VANGL1: variants seen among roughly 807,000 people sequenced by gnomAD.
VANGL1 encodes VANGL planar cell polarity protein 1.
Under a neutral mutation model 48.4 loss-of-function variants are expected in VANGL1, and 18 were observed. That is an observed-to-expected ratio of 0.37 (90% CI 0.26 to 0.55). The LOEUF (loss-of-function observed/expected upper bound fraction) is 0.55, where lower values mean the gene tolerates loss of function less well. VANGL1 is among the 20% of genes least tolerant of loss of function. The probability of loss-of-function intolerance (pLI) is 0.81; values close to 1 mark genes in which losing one functional copy is unlikely to be tolerated. For missense variants in VANGL1, 667 were observed against 675.8 expected (o/e 0.99, Z 0.14); for synonymous variants, 257 against 261.8 (o/e 0.98, Z 0.18).
In VANGL1 at chr1:115,643,402, T is replaced by C. The variant is rs150379326; in HGVS notation, c.-138+1316T>C. On this transcript the variant is annotated intron_variant, in intron 1 of 7. Transcript: ENST00000355485. ...GTAATTAGCCATTTTCTGTAACCAC[T>C]AATTATAGAGTTTTTAGGGTTGAAT... Among the ~76,000 whole-genome samples, 288 of 152,332 alleles carry C rather than the reference T, an allele frequency of 1.9e-3. 1 individual carries two copies. The highest frequency in any genetic ancestry group is 6.6e-3 in the African/African-American group (275 of 41,580).
chr1:115,675,704 T>C (rs1477239274), intron 4 of VANGL1, among the ~76,000 whole-genome samples: 2 of 152,150 alleles, frequency 1.3e-5, no homozygotes, highest in African/African-American at 4.8e-5. Flanking sequence ...GGCAGGAGAA[T>C]TGCTCGGACC....
Position 115,687,006 on chromosome 1 carries a change from G to GT in VANGL1, c.1314+1486dup, listed in dbSNP as rs35072599. Among the ~76,000 whole-genome samples, 28 of 137,368 alleles carry GT rather than the reference G, an allele frequency of 2.0e-4. 6 individuals carry two copies. The highest frequency in any genetic ancestry group is 3.2e-4 in the Non-Finnish European group (20 of 62,998). 90.1% of individuals were successfully genotyped at this position (137,368 alleles called of 152,430 possible). On this transcript the variant is annotated intron_variant, in intron 7 of 7. Coordinates refer to ENST00000355485, the MANE Select transcript of VANGL1 (RefSeq NM_138959.3). ...GGTACATGTGTAACATTTGGTAGCTGTTTTTTTATAAGGACTTCTGTTTAT... is the reference window on the plus strand; with the variant it reads ...GGTACATGTGTAACATTTGGTAGCTGTTTTTTTTATAAGGACTTCTGTTTAT...
chr1:115,670,411 C>T (rs890556593), intron 4 of VANGL1, among the ~76,000 whole-genome samples: 19 of 152,188 alleles, frequency 1.2e-4, no homozygotes, highest in African/African-American at 4.6e-4. Context: ...CATGCATCCT[C>T]CCAGCTTGCA....
At chr1:115,666,272 TG>T (rs1652783244) in intron 4 of VANGL1, among the ~76,000 whole-genome samples, 1 of 152,176 alleles carries the variant, frequency 6.6e-6, no homozygotes, top group South Asian at 2.1e-4. Context: ...CCATAGGTCA[TG>T]CAGGGTGGTG....
chr1:115,668,836 A>G (rs1652880177), intron 4 of VANGL1, among the ~76,000 whole-genome samples: 2 of 152,198 alleles, frequency 1.3e-5, no homozygotes, highest in Admixed American at 1.3e-4. Context: ...TCCCAGGAGC[A>G]CAAAAGCAGA....
At chr1:115,673,481 T>G (rs1653055246) in intron 4 of VANGL1, among the ~76,000 whole-genome samples, 1 of 152,124 alleles carries the variant, frequency 6.6e-6, no homozygotes, top group South Asian at 2.1e-4. Flanking sequence ...TCCTTGCCTC[T>G]TCCTAGTTTC....
Position 115,682,480 on chromosome 1 carries a change from A to G in VANGL1, c.929A>G (p.Lys310Arg), listed in dbSNP as rs1347968602. The stretch of plus-strand genomic sequence containing the variant: ...GCAGCCAAGCATATGGCCGGGCTGA[A>G]AGTCTACAATGTAGATGGTATGTGC... ...FRAAKHMAGL[K>R]VYNVDGPSNN... The change falls in exon 5 of 8, where the codon AAA (lysine) becomes AGA (arginine). Residue 310 changes from lysine to arginine, a missense_variant. By Grantham distance (26) the Lys-to-Arg change is conservative. Coordinates refer to ENST00000355485, the MANE Select transcript of VANGL1 (RefSeq NM_138959.3). 4 of 1,614,078 alleles carry G rather than the reference A, an allele frequency of 2.5e-6. No individual in the cohort carries two copies. Among genetic ancestry groups the G allele is most frequent in the Non-Finnish European group, 3.4e-6 (4 of 1,180,046 alleles).
In VANGL1 at chr1:115,693,427, C is replaced by G. The variant is rs926509670; in HGVS notation, c.*2048C>G. On this transcript the variant is annotated 3_prime_UTR_variant, in exon 8 of 8. Transcript: ENST00000355485. ...ATTCTAAAATACTGTTCTTCCAACC[C>G]TATCTTCAATGACCAGTCCAGAAGG... The G allele has an allele frequency of 2.0e-5, 3 of 152,632 alleles. No homozygotes were observed. The highest frequency in any genetic ancestry group is 7.2e-5 in the African/African-American group (3 of 41,456). The allele number at this position is 152,632 out of a possible 1,614,324, so 9.5% of individuals were successfully genotyped here. A position where few individuals can be genotyped will look rare whatever the true frequency, so the allele number is the denominator to read the frequency against.
intron 2 of VANGL1, among the ~76,000 whole-genome samples, chr1:115,659,209 G>A (rs929433560): frequency 3.3e-5 from 5 of 151,848 alleles, no homozygotes; most frequent in Admixed American, 1.3e-4. Context: ...CAAAAAAATA[G>A]ATATTTTTTT....
chr1:115,677,041 C>A (rs1028258212), intron 4 of VANGL1, among the ~76,000 whole-genome samples: 1 of 152,236 alleles, frequency 6.6e-6, no homozygotes, highest in Non-Finnish European at 1.5e-5. Flanking sequence ...GCACCAGTTG[C>A]ACTGTGCGTG....
chr1:115,659,608 G>A (rs1652472169), intron 2 of VANGL1, 33 bp from the exon 3 acceptor site: 6 of 1,611,164 alleles, frequency 3.7e-6, no homozygotes, highest in Admixed American at 1.7e-5. Flanking sequence ...AATTAACATG[G>A]CATAAATGTG....
At chr1:115,650,783 C>A (rs1438045148) in intron 1 of VANGL1, among the ~76,000 whole-genome samples, 1 of 151,370 alleles carries the variant, frequency 6.6e-6, no homozygotes, top group East Asian at 1.9e-4. Context: ...AAAAAGAAAT[C>A]AGTTCCCTCA....
At chr1:115,651,102 C>G (rs1231815833) in intron 1 of VANGL1, among the ~76,000 whole-genome samples, 175 bp from the exon 2 acceptor site, 1 of 152,228 alleles carries the variant, frequency 6.6e-6, no homozygotes, top group East Asian at 1.9e-4. Flanking sequence ...TCCCAGACAC[C>G]TGGGAAAACT....
At chr1:115,660,240 AAG>A (rs1456767044) in intron 3 of VANGL1, among the ~76,000 whole-genome samples, 24 of 152,326 alleles carry the variant, frequency 1.6e-4, no homozygotes, top group African/African-American at 5.3e-4. Flanking sequence ...CTGGGTCGAA[AAG>A]AGGGGGCAAA....
In VANGL1 at chr1:115,693,223, G is replaced by C. The variant is rs1272791935; in HGVS notation, c.*1844G>C. 1 of 152,576 alleles carries C rather than the reference G, an allele frequency of 6.6e-6. No individual in the cohort carries two copies. Among genetic ancestry groups the C allele is most frequent in the Non-Finnish European group, 1.5e-5 (1 of 68,030 alleles). 9.5% of individuals were successfully genotyped at this position (152,576 alleles called of 1,614,324 possible). ...CTTTTGTTCTTAGTTTTTGCCGTTAGATCCCTTCAAACTGGAAGTTCCTTA... is the reference window on the plus strand; with the variant it reads ...CTTTTGTTCTTAGTTTTTGCCGTTACATCCCTTCAAACTGGAAGTTCCTTA... On this transcript the variant is annotated 3_prime_UTR_variant, in exon 8 of 8. Coordinates refer to ENST00000355485, the MANE Select transcript of VANGL1 (RefSeq NM_138959.3).
chr1:115,651,515 C>G (rs1345040766), intron 2 of VANGL1, 31 bp downstream of exon 2: 7 of 1,603,418 alleles, frequency 4.4e-6, no homozygotes, highest in Non-Finnish European at 5.1e-6. Flanking sequence ...TACACTTTTC[C>G]TTTTGGGGAA....
Position 115,688,528 on chromosome 1 carries a change from A to G in VANGL1, c.1315-2591A>G, listed in dbSNP as rs1181190947. ...AAGTTTGCCAACCCCTGGTTTAAAC[A>G]GCATTGTGGTGAATACTTTTTTACA... On this transcript the variant is annotated intron_variant, in intron 7 of 7. Coordinates refer to ENST00000355485, the MANE Select transcript of VANGL1 (RefSeq NM_138959.3). Among the ~76,000 whole-genome samples, 2 of 138,686 alleles carry G rather than the reference A, an allele frequency of 1.4e-5. 1 individual carries two copies. The highest frequency in any genetic ancestry group is 3.2e-5 in the Non-Finnish European group (2 of 63,420). The allele number at this position is 138,686 out of a possible 152,430, so 91.0% of individuals were successfully genotyped here. A position where few individuals can be genotyped will look rare whatever the true frequency, so the allele number is the denominator to read the frequency against.
intron 2 of VANGL1, 73 bp downstream of exon 2, chr1:115,651,557 C>T: frequency 7.5e-7 from 1 of 1,325,660 alleles, no homozygotes; most frequent in Non-Finnish European, 1.1e-6. Flanking sequence ...TCTACACTCA[C>T]TTTTCAGTGA....
At chr1:115,657,142 G>A (rs1420115380) in intron 2 of VANGL1, among the ~76,000 whole-genome samples, 1 of 152,226 alleles carries the variant, frequency 6.6e-6, no homozygotes, top group East Asian at 1.9e-4. Flanking sequence ...CTTTTGAAGT[G>A]ATTGTATTTG....
Sources: gnomAD v4.1 joint callset for allele counts (sites outside exome capture counted in the v4.1 genomes callset) on GRCh38, gnomAD v4.1.1 for gene constraint, MANE v1.5 for transcripts, NCBI Gene and HGNC (gene_info 2026-07-23, HGNC 2026-07-21) for gene names.